AK9: variants seen among roughly 807,000 people sequenced by gnomAD.
AK9 encodes the protein adenylate kinase 9.
In AK9, 191 loss-of-function variants were observed where a neutral mutation model predicts 239.6. The ratio of observed to expected loss-of-function variants is 0.80; its 90% CI spans 0.71 to 0.90. The LOEUF is 0.90. Among genes scored for constraint, AK9 ranks in the 40% least tolerant of loss-of-function variants. The pLI is 0.00. For missense variants in AK9, 1,995 were observed against 2,214.7 expected, an observed-to-expected ratio of 0.90 and a Z score of 1.99; for synonymous variants, 689 against 721.0, an observed-to-expected ratio of 0.96 and a Z score of 0.71.
intron 1 of AK9, among the ~76,000 whole-genome samples, chr6:109,686,626 T>C (rs1336778272): frequency 6.6e-6 from 1 of 152,130 alleles, no homozygotes; most frequent in Non-Finnish European, 1.5e-5. Context: ...AATGCTGTGG[T>C]ATGTAAGGAT....
At chr6:109,601,743 C>T (rs1175416943) in intron 17 of AK9, among the ~76,000 whole-genome samples, 2 of 152,124 alleles carry the variant, frequency 1.3e-5, no homozygotes, top group African/African-American at 4.8e-5. Flanking sequence ...TAAGGACTTG[C>T]TTTATGAATC....
intron 27 of AK9, among the ~76,000 whole-genome samples, chr6:109,536,166 G>A (rs1435118274): frequency 6.6e-6 from 1 of 152,088 alleles, no homozygotes; most frequent in Non-Finnish European, 1.5e-5. Context: ...AGCTTGATGG[G>A]GATGGCACTG....
At position 109,529,050 on chromosome 6, in the gene AK9, C is replaced by T. The variant is rs139652379; in HGVS notation, c.3594G>A (p.Arg1198=). ...KIRVDTIAKR[R]AELILERDKK... ...TATCTCTCTCTAATATAAGTTCAGC[C>T]CTTCTTTTAGCAATCGTATCAACCT... The change falls in exon 29 of 41, where the codon AGG becomes AGA. Residue 1198 remains arginine (R), a synonymous_variant. Transcript: ENST00000424296. 13 of 1,584,246 alleles carry T rather than the reference C, an allele frequency of 8.2e-6. No individual in the cohort carries two copies. The African/African-American group carries it at 1.1e-4, about 13-fold the overall frequency.
intron 3 of AK9, among the ~76,000 whole-genome samples, chr6:109,672,511 C>A (rs1771075601): frequency 6.6e-6 from 1 of 151,992 alleles, no homozygotes; most frequent in South Asian, 2.1e-4. Flanking sequence ...AGGGAGACTA[C>A]ATTCCTACAA....
At chr6:109,594,096 G>A (rs1224927965) in intron 17 of AK9, among the ~76,000 whole-genome samples, 1 of 152,168 alleles carries the variant, frequency 6.6e-6, no homozygotes, top group Non-Finnish European at 1.5e-5. Flanking sequence ...CAGACGACAT[G>A]ATTGTATATT....
chr6:109,629,255 T>C (rs895126440), intron 12 of AK9, among the ~76,000 whole-genome samples: 1 of 152,078 alleles, frequency 6.6e-6, no homozygotes. Flanking sequence ...TTTTTCATTA[T>C]TTTAAATGGG....
chr6:109,550,410 A>G (rs1187104539), intron 24 of AK9, 108 bp from the exon 25 acceptor site: 1 of 967,990 alleles, frequency 1.0e-6, no homozygotes, highest in African/African-American at 1.7e-5. Flanking sequence ...AGCAACTTGA[A>G]AACTATCCAC....
chr6:109,555,434 T>C (rs1481850210), intron 24 of AK9, among the ~76,000 whole-genome samples: 1 of 152,212 alleles, frequency 6.6e-6, no homozygotes, highest in Non-Finnish European at 1.5e-5. Flanking sequence ...CTTCCAATTA[T>C]GTGTTTGATT....
chr6:109,574,947 G>A (rs1033443844), intron 20 of AK9, among the ~76,000 whole-genome samples: 1 of 152,140 alleles, frequency 6.6e-6, no homozygotes, highest in African/African-American at 2.4e-5. Flanking sequence ...TTATAAGTGA[G>A]AACATACAAT....
Position 109,586,043 on chromosome 6 carries a change from A to G in AK9, c.1872T>C (p.Pro624=), listed in dbSNP as rs1365807331. The change falls in exon 18 of 41, where the codon CCT becomes CCC. Residue 624 remains proline (P), a synonymous_variant. Transcript: ENST00000424296. ...TCCAGCCTCCATATTTTGGGGCACCAGGAAACCTATCCTTGTTTTCTTCCA... is the reference window on the plus strand; with the variant it reads ...TCCAGCCTCCATATTTTGGGGCACCGGGAAACCTATCCTTGTTTTCTTCCA... ...EVMEENKDRF[P]GAPKYGGWIV... is the part of the protein sequence containing the mutation. 4.5e-6 allele frequency: 7 copies of G among 1,551,298 alleles called. No individual in the cohort carries two copies. The South Asian group carries it at 8.3e-5, about 18-fold the overall frequency.
chr6:109,600,491 T>C (rs1285416075), intron 17 of AK9, among the ~76,000 whole-genome samples: 1 of 152,244 alleles, frequency 6.6e-6, no homozygotes, highest in Non-Finnish European at 1.5e-5. Context: ...AGTATTTTAT[T>C]GAGGATTTTT....
intron 32 of AK9, 53 bp downstream of exon 32, chr6:109,514,171 G>T: frequency 6.7e-7 from 1 of 1,485,290 alleles, no homozygotes; most frequent in Non-Finnish European, 9.1e-7. Flanking sequence ...TGTGCATTGG[G>T]TACAAGCAGA....
At chr6:109,626,858 A>C (rs1171803226) in intron 12 of AK9, among the ~76,000 whole-genome samples, 1 of 152,226 alleles carries the variant, frequency 6.6e-6, no homozygotes, top group African/African-American at 2.4e-5. Context: ...GTGGTGAGTG[A>C]ATAAGAAGGT....
chr6:109,679,058 A>G (rs1772208771), intron 1 of AK9, among the ~76,000 whole-genome samples: 1 of 152,186 alleles, frequency 6.6e-6, no homozygotes, highest in Non-Finnish European at 1.5e-5. Flanking sequence ...AGCTAGCTGC[A>G]GGAGTTTTTT....
chr6:109,608,253 T>TG (rs1793148182), intron 17 of AK9, among the ~76,000 whole-genome samples: 1 of 138,308 alleles, frequency 7.2e-6, no homozygotes, highest in South Asian at 2.3e-4. Flanking sequence ...CACTCCAGCC[T>TG]GGGTGACAGA....
chr6:109,544,205 T>C (rs1388568074), intron 26 of AK9, among the ~76,000 whole-genome samples: 13 of 152,170 alleles, frequency 8.5e-5, no homozygotes, highest in Non-Finnish European at 1.6e-4. Flanking sequence ...TGCTTCAACT[T>C]TGAGTGTTAC....
At chr6:109,620,107 C>T (rs548141893) in intron 12 of AK9, among the ~76,000 whole-genome samples, 12 of 152,086 alleles carry the variant, frequency 7.9e-5, no homozygotes, top group African/African-American at 2.4e-4. Context: ...TGAATAAAGC[C>T]GTGATGAACA....
intron 28 of AK9, 61 bp downstream of exon 28, chr6:109,533,190 T>C: frequency 7.5e-7 from 1 of 1,339,998 alleles, no homozygotes; most frequent in Non-Finnish European, 1.0e-6. Context: ...GATCACTTTA[T>C]AATAGATCAC....
chr6:109,622,011 C>T (rs994934962), intron 12 of AK9, among the ~76,000 whole-genome samples: 2 of 143,634 alleles, frequency 1.4e-5, no homozygotes, highest in Non-Finnish European at 3.0e-5. Context: ...TCATCATAGC[C>T]TAGTTTATAG....
Sources: allele counts gnomAD v4.1 joint callset (sites outside exome capture counted in the v4.1 genomes callset), GRCh38; gene constraint gnomAD v4.1.1; transcripts MANE v1.5; gene names NCBI Gene and HGNC (gene_info 2026-07-23, HGNC 2026-07-21).